Variants in ACBD6 observed in about 807,000 individuals in gnomAD.
ACBD6 encodes the protein acyl-CoA binding domain containing 6.
In ACBD6, 28 loss-of-function variants were observed where a neutral mutation model predicts 37.2. The observed-to-expected ratio is 0.75, with a 90% CI of 0.56 to 1.03. ACBD6 has a LOEUF of 1.03. Among genes scored for constraint, ACBD6 ranks in the 50% least tolerant of loss-of-function variants. The probability of loss-of-function intolerance (pLI) is 0.00; values close to 1 mark genes in which losing one functional copy is unlikely to be tolerated. For synonymous variants in ACBD6, 113 were observed against 126.8 expected, an observed-to-expected ratio of 0.89 and a Z score of 0.73; for missense variants, 340 against 337.4, an observed-to-expected ratio of 1.01 and a Z score of -0.06.
chr1:180,296,300 A>ATT (rs1649914901), intron 7 of ACBD6, among the ~76,000 whole-genome samples: 1 of 152,232 alleles, frequency 6.6e-6, no homozygotes. Context: ...GTTGAAGGAA[A>ATT]GTTGTCTCCA....
intron 1 of ACBD6, among the ~76,000 whole-genome samples, chr1:180,499,290 T>C (rs1220140694): frequency 6.6e-6 from 1 of 152,204 alleles, no homozygotes; most frequent in East Asian, 1.9e-4. Context: ...TAACACTATC[T>C]CACAATTTTG....
chr1:180,397,043 A>G (rs1654285440), intron 6 of ACBD6, among the ~76,000 whole-genome samples: 1 of 152,188 alleles, frequency 6.6e-6, no homozygotes, highest in Non-Finnish European at 1.5e-5. Flanking sequence ...GACAGAAACA[A>G]CTCAAGCTGC....
chr1:180,502,480 C>G lies in ACBD6; in HGVS notation c.-214G>C, dbSNP rs1049814246. 4.3e-5 allele frequency: 26 copies of G among 604,978 alleles called. No individual in the cohort carries two copies. Among genetic ancestry groups the G allele is most frequent in the Non-Finnish European group, 6.8e-5 (23 of 338,636 alleles). 37.5% of individuals were successfully genotyped at this position (604,978 alleles called of 1,614,324 possible). A position where few individuals can be genotyped will look rare whatever the true frequency, so the allele number is the denominator to read the frequency against. Reference sequence around the variant, plus strand: ...GCAGGCTCCTCGACCCTCTGCCGCTCTGCCCAGTCGACCCGGTCTCCTCCG... The same window carrying G: ...GCAGGCTCCTCGACCCTCTGCCGCTGTGCCCAGTCGACCCGGTCTCCTCCG... On this transcript the variant is annotated 5_prime_UTR_variant, in exon 1 of 8. Transcript: ENST00000367595.
chr1:180,473,368 A>G (rs565100780), intron 3 of ACBD6, among the ~76,000 whole-genome samples: 1 of 145,286 alleles, frequency 6.9e-6, no homozygotes, highest in Admixed American at 7.1e-5. Flanking sequence ...AATGGCGTGA[A>G]CCCGGGAGGC....
intron 9 of ACBD6, among the ~76,000 whole-genome samples, chr1:180,280,186 G>A (rs1167889107): frequency 2.6e-5 from 4 of 152,040 alleles, no homozygotes; most frequent in Non-Finnish European, 4.4e-5. Context: ...AGGGAGAGTG[G>A]GCAAGGAAAT....
chr1:180,487,837 A>G (rs1651334574), intron 3 of ACBD6, among the ~76,000 whole-genome samples: 1 of 152,194 alleles, frequency 6.6e-6, no homozygotes, highest in Non-Finnish European at 1.5e-5. Context: ...AATGCAACAA[A>G]AGTACTCAGT....
chr1:180,492,025 G>A (rs770683770), intron 3 of ACBD6, among the ~76,000 whole-genome samples: 4 of 152,096 alleles, frequency 2.6e-5, no homozygotes, highest in Non-Finnish European at 4.4e-5. Context: ...GGCCAGGCCG[G>A]TCTTGAACTC....
At chr1:180,480,951 A>G (rs1363685910) in intron 3 of ACBD6, among the ~76,000 whole-genome samples, 2 of 152,030 alleles carry the variant, frequency 1.3e-5, no homozygotes, top group Non-Finnish European at 2.9e-5. Flanking sequence ...GAATTGCTGG[A>G]ACCCGGGAGG....
At position 180,414,466 on chromosome 1, in the gene ACBD6, G is replaced by C. The variant is rs1167562074; in HGVS notation, c.468-995C>G. Reference sequence around the variant, plus strand: ...TGTGTCATACAGAAAGTTATTTCCAGTCATAGCTAATTTTCTTAAAAGACA... The same window carrying C: ...TGTGTCATACAGAAAGTTATTTCCACTCATAGCTAATTTTCTTAAAAGACA... On this transcript the variant is annotated intron_variant, in intron 4 of 7. Transcript: ENST00000367595. 2.6e-5 allele frequency among the ~76,000 whole-genome samples: 4 copies of C among 152,304 alleles called. No homozygotes were observed. In the South Asian group the frequency reaches 8.3e-4, roughly 32 times the overall value.
intron 7 of ACBD6, among the ~76,000 whole-genome samples, chr1:180,293,625 T>C (rs1649802901): frequency 6.6e-6 from 1 of 152,168 alleles, no homozygotes; most frequent in Non-Finnish European, 1.5e-5. Context: ...CCTTAAATAC[T>C]CAGTAGAATT....
intron 6 of ACBD6, among the ~76,000 whole-genome samples, chr1:180,332,620 G>A (rs1651528161): frequency 6.6e-6 from 1 of 152,018 alleles, no homozygotes; most frequent in South Asian, 2.1e-4. Context: ...ATCACCCCTA[G>A]ATGGGACCAT....
intron 3 of ACBD6, among the ~76,000 whole-genome samples, chr1:180,468,234 T>C (rs1460991688): frequency 1.3e-5 from 2 of 152,214 alleles, no homozygotes; most frequent in Non-Finnish European, 2.9e-5. Flanking sequence ...CTTGAACTTC[T>C]GGGCTTGCTA....
chr1:180,327,101 C>T (rs943403640), intron 6 of ACBD6, among the ~76,000 whole-genome samples: 2 of 152,218 alleles, frequency 1.3e-5, no homozygotes, highest in Non-Finnish European at 2.9e-5. Context: ...CTAGGAATTA[C>T]AGTCCTGTGG....
chr1:180,399,917 C>T (rs543534182), intron 5 of ACBD6, among the ~76,000 whole-genome samples: 4 of 152,012 alleles, frequency 2.6e-5, no homozygotes, highest in South Asian at 2.1e-4. Context: ...ATAGTTAAGA[C>T]GATGTGTGAT....
intron 3 of ACBD6, among the ~76,000 whole-genome samples, chr1:180,436,792 T>C (rs1249361507): frequency 6.6e-6 from 1 of 152,060 alleles, no homozygotes; most frequent in African/African-American, 2.4e-5. Flanking sequence ...GAATAAAATA[T>C]TGAAACCTCA....
chr1:180,449,147 T>C (rs977914839), intron 3 of ACBD6, among the ~76,000 whole-genome samples: 1 of 152,216 alleles, frequency 6.6e-6, no homozygotes, highest in Non-Finnish European at 1.5e-5. Flanking sequence ...AGTTGCATGA[T>C]TTCATGAAAG....
chr1:180,281,936 A>G (rs1261219213), intron 8 of ACBD6, among the ~76,000 whole-genome samples: 2 of 152,240 alleles, frequency 1.3e-5, no homozygotes, highest in African/African-American at 4.8e-5. Context: ...TCTCAGAGAA[A>G]GCAGACGTGG....
At chr1:180,292,695 T>A (rs1010496913) in intron 7 of ACBD6, among the ~76,000 whole-genome samples, 2 of 152,204 alleles carry the variant, frequency 1.3e-5, no homozygotes, top group African/African-American at 4.8e-5. Flanking sequence ...TATTTCTTCT[T>A]TTTAAATCTA....
intron 5 of ACBD6, among the ~76,000 whole-genome samples, chr1:180,409,764 A>C (rs1647777600): frequency 6.6e-6 from 1 of 152,186 alleles, no homozygotes; most frequent in Non-Finnish European, 1.5e-5. Flanking sequence ...AAATATTGAA[A>C]TTATTAGCCA....
Sources: allele counts gnomAD v4.1 joint callset (sites outside exome capture counted in the v4.1 genomes callset), GRCh38; gene constraint gnomAD v4.1.1; transcripts MANE v1.5; gene names NCBI Gene and HGNC (gene_info 2026-07-23, HGNC 2026-07-21).